The following RALGAPA1 variants were observed in gnomAD, a reference collection of about 807,000 sequenced individuals.
The protein encoded by RALGAPA1 is ral GTPase-activating protein subunit alpha-1.
RALGAPA1 carries 52 observed loss-of-function variants against 269.6 expected under a neutral mutation model. The observed-to-expected ratio is 0.19, with a 90% confidence interval of 0.15 to 0.24. RALGAPA1 has a LOEUF of 0.24. RALGAPA1 is among the 10% of genes least tolerant of loss of function. RALGAPA1 has a pLI of 1.00. For synonymous variants in RALGAPA1, 817 were observed against 1,008.3 expected (o/e 0.81, Z 3.60); for missense variants, 1,917 against 3,013.9 (o/e 0.64, Z 8.52).
intron 41 of RALGAPA1, among the ~76,000 whole-genome samples, chr14:35,544,847 G>C (rs1310574511): frequency 6.6e-6 from 1 of 152,292 alleles, no homozygotes; most frequent in East Asian, 1.9e-4. Context: ...AGGAGTTTGA[G>C]ATCAGCCTGG....
intron 12 of RALGAPA1, among the ~76,000 whole-genome samples, chr14:35,729,000 G>C (rs951971847): frequency 3.3e-5 from 5 of 151,922 alleles, no homozygotes; most frequent in African/African-American, 1.2e-4. Flanking sequence ...TTCCCAAATT[G>C]CTGCGATTAC....
intron 37 of RALGAPA1, among the ~76,000 whole-genome samples, chr14:35,583,061 C>T (rs983443341): frequency 6.6e-6 from 1 of 152,088 alleles, no homozygotes; most frequent in African/African-American, 2.4e-5. Flanking sequence ...CAAAAAATTA[C>T]AAGACAAAAA....
chr14:35,803,922 C>G (rs116273858), intron 1 of RALGAPA1, among the ~76,000 whole-genome samples: 1 of 151,376 alleles, frequency 6.6e-6, no homozygotes, highest in Non-Finnish European at 1.5e-5. Flanking sequence ...CTGCACCTGG[C>G]CTAAAGAACT....
At chr14:35,806,592 C>T (rs2077399686) in intron 1 of RALGAPA1, among the ~76,000 whole-genome samples, 2 of 152,152 alleles carry the variant, frequency 1.3e-5, no homozygotes, top group Admixed American at 1.3e-4. Flanking sequence ...ATTATGTTCT[C>T]ATACATATAG....
chr14:35,546,282 T>C (rs1285386077), intron 41 of RALGAPA1, among the ~76,000 whole-genome samples: 4 of 152,068 alleles, frequency 2.6e-5, no homozygotes, highest in African/African-American at 9.7e-5. Context: ...ACAGTTGATT[T>C]GCACGTTACC....
At chr14:35,749,984 A>G (rs1294477205) in intron 9 of RALGAPA1, among the ~76,000 whole-genome samples, 1 of 152,152 alleles carries the variant, frequency 6.6e-6, no homozygotes, top group Non-Finnish European at 1.5e-5. Flanking sequence ...AAAAAAGTAA[A>G]CTGTTAAATC....
chr14:35,707,606 T>A (rs1412940640), intron 16 of RALGAPA1: 1 of 152,206 alleles, frequency 6.6e-6, no homozygotes, highest in Non-Finnish European at 1.5e-5. Context: ...TGAATTGCAT[T>A]AGGGTAATGC....
chr14:35,670,821 G>C (rs537371399), intron 26 of RALGAPA1, among the ~76,000 whole-genome samples: 1 of 152,028 alleles, frequency 6.6e-6, no homozygotes, highest in African/African-American at 2.4e-5. Flanking sequence ...TATTGAAGAG[G>C]CTGAGGCAGG....
chr14:35,686,363 T>TA (rs1316790487), intron 19 of RALGAPA1, among the ~76,000 whole-genome samples, 179 bp downstream of exon 19: 2 of 151,972 alleles, frequency 1.3e-5, no homozygotes, highest in Admixed American at 6.6e-5. Context: ...TGTCTTTAGA[T>TA]AAAAAATGTT....
At chr14:35,754,289 G>T (rs532538778) in intron 7 of RALGAPA1, among the ~76,000 whole-genome samples, 1 of 152,034 alleles carries the variant, frequency 6.6e-6, no homozygotes, top group Non-Finnish European at 1.5e-5. Flanking sequence ...CTATGAAAAC[G>T]GAAAGACGAG....
At chr14:35,799,372 G>A (rs2076809990) in intron 1 of RALGAPA1, among the ~76,000 whole-genome samples, 1 of 152,066 alleles carries the variant, frequency 6.6e-6, no homozygotes, top group Admixed American at 6.6e-5. Context: ...GACCAGCCTG[G>A]CCAACATGGG....
intron 37 of RALGAPA1, among the ~76,000 whole-genome samples, chr14:35,591,334 G>A (rs1372730792): frequency 6.6e-6 from 1 of 151,384 alleles, no homozygotes; most frequent in Non-Finnish European, 1.5e-5. Context: ...GTGTTTTTCT[G>A]AGTCAGGGTC....
chr14:35,728,443 T>C lies in RALGAPA1; in HGVS notation c.1655A>G (p.Asp552Gly). ...EPANEIKNLL[D>G]EHTDMCKRIL... Reference sequence around the variant, plus strand: ...GCGTTTACACATATCTGTGTGTTCATCCAGAAGATTTTTTATTTCATTTGC... The same window carrying C: ...GCGTTTACACATATCTGTGTGTTCACCCAGAAGATTTTTTATTTCATTTGC... The change falls in exon 13 of 42, where the codon GAT (aspartate) becomes GGT (glycine). Residue 552 changes from aspartate to glycine, a missense_variant. Around this residue, in one of 11 missense-constraint regions of RALGAPA1, gnomAD observed 462 missense variants for 725.6 expected, o/e 0.64. Coordinates refer to ENST00000680220, the MANE Select transcript of RALGAPA1 (RefSeq NM_001346249.2). The C allele has an allele frequency of 1.2e-6, 2 of 1,610,018 alleles. No individual in the cohort carries two copies. Among genetic ancestry groups the C allele is most frequent in the Non-Finnish European group, 8.5e-7 (1 of 1,178,510 alleles).
intron 36 of RALGAPA1, among the ~76,000 whole-genome samples, chr14:35,597,875 G>T (rs968060167): frequency 6.6e-6 from 1 of 152,176 alleles, no homozygotes; most frequent in Non-Finnish European, 1.5e-5. Context: ...TTCCATTGGG[G>T]TTCAAGGACA....
intron 35 of RALGAPA1, among the ~76,000 whole-genome samples, chr14:35,613,576 C>A (rs1318379859): frequency 6.6e-6 from 1 of 152,202 alleles, no homozygotes; most frequent in African/African-American, 2.4e-5. Flanking sequence ...TCCTTCCTTG[C>A]CTCTTCTAAG....
chr14:35,689,793 C>A lies in RALGAPA1; in HGVS notation c.2618G>T (p.Ser873Ile). 6.5e-7 allele frequency: 1 copy of A among 1,549,620 alleles called. No homozygotes were observed. The highest frequency in any genetic ancestry group is 1.2e-5 in the South Asian group (1 of 82,000). The change falls in exon 18 of 42, where the codon AGC (serine) becomes ATC (isoleucine). Residue 873 changes from serine to isoleucine, a missense_variant. Physicochemically the swap from Ser to Ile is moderately radical, Grantham distance 142. This residue lies in a region of RALGAPA1 where 615 missense variants were observed against 790.0 expected (regional missense o/e 0.78). Coordinates refer to ENST00000680220, the MANE Select transcript of RALGAPA1 (RefSeq NM_001346249.2). ...VIDSSSRHAP[S>I]LQSSTEASSI... ...AGAAGCCTCTGTGGAACTCTGCAAG[C>A]TTGGTGCATGACGGGATGAACTGTC...
chr14:35,753,906 A>G (rs1246567698), intron 7 of RALGAPA1, among the ~76,000 whole-genome samples: 1 of 152,202 alleles, frequency 6.6e-6, no homozygotes, highest in African/African-American at 2.4e-5. Flanking sequence ...CAAAGTCAAA[A>G]GCCTTCAATG....
At chr14:35,546,845 T>C (rs1210114367) in intron 41 of RALGAPA1, among the ~76,000 whole-genome samples, 1 of 152,100 alleles carries the variant, frequency 6.6e-6, no homozygotes, top group African/African-American at 2.4e-5. Flanking sequence ...TCTATATGTA[T>C]GGGACTTATG....
intron 28 of RALGAPA1, among the ~76,000 whole-genome samples, chr14:35,657,232 A>T (rs892311761): frequency 2.7e-5 from 4 of 147,656 alleles, no homozygotes; most frequent in African/African-American, 5.0e-5. Context: ...TGTCTTGCCC[A>T]GGCTGGAGTG....
Sources: allele counts gnomAD v4.1 joint callset (sites outside exome capture counted in the v4.1 genomes callset), GRCh38; gene constraint gnomAD v4.1.1; regional missense constraint gnomAD v4.1.1; transcripts MANE v1.5; gene names NCBI Gene and HGNC (gene_info 2026-07-23, HGNC 2026-07-21).